The following CACNA1C variants were observed in gnomAD, a reference collection of about 807,000 sequenced individuals.
CACNA1C encodes voltage-dependent L-type calcium channel subunit alpha-1C.
A neutral mutation model predicts 229.0 loss-of-function variants in CACNA1C; 30 were observed. The ratio of observed to expected loss-of-function variants is 0.13; its 90% CI spans 0.10 to 0.18. CACNA1C has a LOEUF of 0.18. Among genes scored for constraint, CACNA1C ranks in the 10% least tolerant of loss-of-function variants. The pLI, the probability that CACNA1C is intolerant of heterozygous loss-of-function variation, is 1.00. For missense variants in CACNA1C, 1,658 were observed against 2,845.0 expected (o/e 0.58, Z 9.49); for synonymous variants, 1,114 against 1,132.5 (o/e 0.98, Z 0.33).
At chr12:2,481,303 C>T (rs1026711289) in intron 5 of CACNA1C, among the ~76,000 whole-genome samples, 2 of 152,178 alleles carry the variant, frequency 1.3e-5, no homozygotes, top group Admixed American at 1.3e-4. Flanking sequence ...TCCAGGCTAA[C>T]CTCAAAACCA....
intron 3 of CACNA1C, among the ~76,000 whole-genome samples, chr12:2,347,577 G>A (rs2097081947): frequency 6.6e-6 from 1 of 152,226 alleles, no homozygotes; most frequent in African/African-American, 2.4e-5. Flanking sequence ...CTCTGACCCA[G>A]TCAGTAGGAA....
At chr12:2,159,855 C>T (rs919093295) in intron 3 of CACNA1C, among the ~76,000 whole-genome samples, 10 of 152,172 alleles carry the variant, frequency 6.6e-5, no homozygotes, top group African/African-American at 1.2e-4. Flanking sequence ...CTGCCCGCCT[C>T]GGCCTCCCAA....
intron 3 of CACNA1C, among the ~76,000 whole-genome samples, chr12:2,176,422 C>G (rs1044900073): frequency 6.6e-6 from 1 of 152,084 alleles, no homozygotes; most frequent in African/African-American, 2.4e-5. Flanking sequence ...GAGGTATAGT[C>G]TGACTCACGT....
At chr12:2,433,420 C>T (rs1191540760) in intron 3 of CACNA1C, among the ~76,000 whole-genome samples, 2 of 151,538 alleles carry the variant, frequency 1.3e-5, no homozygotes, top group East Asian at 3.9e-4. Flanking sequence ...TGCCCTGGAC[C>T]CATGCCTGCT....
At chr12:2,297,309 G>A (rs1592017556) in intron 3 of CACNA1C, among the ~76,000 whole-genome samples, 2 of 152,338 alleles carry the variant, frequency 1.3e-5, no homozygotes, top group Admixed American at 6.5e-5. Context: ...TTTATCCATA[G>A]CATTGTCTGG....
rs564956806 is a variant in CACNA1C at position 2,274,663 on chromosome 12, G to C, written c.477+154233G>C. On this transcript the variant is annotated intron_variant, in intron 3 of 46. Transcript: ENST00000399655. ...TCACATGAGGAAACTGAGGCCCCTGGAACTCACGTAGTTTGCCCAAGGCCA... is the reference window on the plus strand; with the variant it reads ...TCACATGAGGAAACTGAGGCCCCTGCAACTCACGTAGTTTGCCCAAGGCCA... Among the ~76,000 whole-genome samples the C allele has an allele frequency of 2.2e-4, 34 of 152,318 alleles. No individual in the cohort carries two copies. In the East Asian group the frequency reaches 6.6e-3, roughly 29 times the overall value.
chr12:2,270,409 C>T (rs2084362562), intron 3 of CACNA1C, among the ~76,000 whole-genome samples: 1 of 152,238 alleles, frequency 6.6e-6, no homozygotes, highest in African/African-American at 2.4e-5. Context: ...ACCCTCCACA[C>T]CTGGAGTGCC....
intron 3 of CACNA1C, among the ~76,000 whole-genome samples, chr12:2,414,652 C>G (rs371974677): frequency 6.6e-6 from 1 of 152,168 alleles, no homozygotes; most frequent in Non-Finnish European, 1.5e-5. Flanking sequence ...TGACTGCAGC[C>G]TCTACCTCTG....
chr12:2,673,274 G>A (rs1465954026), intron 38 of CACNA1C, among the ~76,000 whole-genome samples: 1 of 151,994 alleles, frequency 6.6e-6, no homozygotes, highest in Admixed American at 6.6e-5. Context: ...TTGGGAGTTC[G>A]AGACCAACAT....
rs576572217 is a variant in CACNA1C, at chr12:2,462,991, T to C, written c.757+5285T>C. ...GCAGTGGTGTGATCTCGGCTCACTGTAAGCTCCGCCTCCTGGGTTCACGCC... is the reference window on the plus strand; with the variant it reads ...GCAGTGGTGTGATCTCGGCTCACTGCAAGCTCCGCCTCCTGGGTTCACGCC... On this transcript the variant is annotated intron_variant, in intron 5 of 46. Transcript: ENST00000399655. Among the ~76,000 whole-genome samples the C allele has an allele frequency of 3.4e-3, 513 of 148,718 alleles. 2 individuals are homozygous for C. Among genetic ancestry groups the C allele is most frequent in the Middle Eastern group, 0.01 (3 of 292 alleles).
intron 1 of CACNA1C, among the ~76,000 whole-genome samples, chr12:2,087,235 T>C (rs1404262965): frequency 3.9e-5 from 6 of 152,214 alleles, no homozygotes; most frequent in African/African-American, 1.4e-4. Flanking sequence ...ACCATCTGAT[T>C]CTTGGTACCT....
At chr12:2,501,209 C>CAAAAAAAAAAAAAAAAAAAAA (rs59324696) in intron 7 of CACNA1C, among the ~76,000 whole-genome samples, 1 of 31,386 alleles carries the variant, frequency 3.2e-5, no homozygotes, top group African/African-American at 1.7e-4. Flanking sequence ...GACTCCACCT[C>CAAAAAAAAAAAAAAAAAAAAA]AAAAAAAAAA....
intron 3 of CACNA1C, among the ~76,000 whole-genome samples, chr12:2,381,390 T>G (rs972169589): frequency 7.9e-5 from 12 of 152,202 alleles, no homozygotes; most frequent in African/African-American, 2.9e-4. Context: ...CTAACGTGTG[T>G]TGTCAGCTCA....
At chr12:2,577,846 A>G (rs2058988491) in intron 13 of CACNA1C, among the ~76,000 whole-genome samples, 1 of 151,790 alleles carries the variant, frequency 6.6e-6, no homozygotes, top group South Asian at 2.1e-4. Flanking sequence ...GGGCAAGCAG[A>G]CAATAAGCAA....
At chr12:2,282,673 T>C (rs2091669321) in intron 3 of CACNA1C, among the ~76,000 whole-genome samples, 1 of 152,220 alleles carries the variant, frequency 6.6e-6, no homozygotes, top group African/African-American at 2.4e-5. Flanking sequence ...AGACCTGCAG[T>C]CTGGCTGCGG....
intron 1 of CACNA1C, among the ~76,000 whole-genome samples, chr12:2,069,176 C>T (rs1213036709): frequency 6.6e-6 from 1 of 152,214 alleles, no homozygotes; most frequent in Non-Finnish European, 1.5e-5. Context: ...GTAGACATCA[C>T]AGCCTGCAAT....
At chr12:2,498,996 A>G (rs2099752940) in intron 7 of CACNA1C, among the ~76,000 whole-genome samples, 1 of 152,106 alleles carries the variant, frequency 6.6e-6, no homozygotes, top group South Asian at 2.1e-4. Flanking sequence ...CCTTGGTGTT[A>G]GGAGCTTGTT....
chr12:2,391,999 A>G (rs1024781425), intron 3 of CACNA1C, among the ~76,000 whole-genome samples: 3 of 152,234 alleles, frequency 2.0e-5, no homozygotes, highest in South Asian at 4.1e-4. Context: ...GCCTTGTTTT[A>G]AACTCTGCGT....
Position 2,677,664 on chromosome 12 carries a change from G to A in CACNA1C, c.4957-69G>A. On this transcript the variant is annotated intron_variant, in intron 40 of 46. Coordinates refer to ENST00000399655, the MANE Select transcript of CACNA1C (RefSeq NM_000719.7). The surrounding 1 kb of genome is among the most constrained non-coding windows in gnomAD (Gnocchi z 7.4). ...CCTGGAGGGACAGGTCTTGGCCCGA[G>A]GCTGTGGCTGGCTGGGGAGCTTGGA... 6.4e-6 allele frequency: 10 copies of A among 1,552,670 alleles called. No homozygotes were observed. The highest frequency in any genetic ancestry group is 6.1e-6 in the Non-Finnish European group (7 of 1,144,292).
Sources: gnomAD v4.1 joint callset for allele counts (sites outside exome capture counted in the v4.1 genomes callset) on GRCh38, gnomAD v4.1.1 for gene constraint, Gnocchi (gnomAD v3.1) non-coding constraint, MANE v1.5 for transcripts, NCBI Gene and HGNC (gene_info 2026-07-23, HGNC 2026-07-21) for gene names.